The following MAP7D2 variants were observed in gnomAD, a reference collection of about 807,000 sequenced individuals.
MAP7D2 encodes the protein MAP7 domain-containing protein 2.
In MAP7D2, 33 loss-of-function variants were observed where a neutral mutation model predicts 63.5. The observed-to-expected ratio is 0.52, with a 90% CI of 0.39 to 0.70. MAP7D2 has a LOEUF of 0.70. Among genes scored for constraint, MAP7D2 ranks in the 30% least tolerant of loss-of-function variants. The pLI is 0.00. For synonymous variants in MAP7D2, 224 were observed against 223.7 expected (o/e 1.00, Z -0.01); for missense variants, 626 against 604.0 (o/e 1.04, Z -0.38).
intron 1 of MAP7D2, among the ~76,000 whole-genome samples, chrX:20,109,634 CT>C (rs748515985): frequency 9.1e-6 from 1 of 110,452 alleles, no homozygotes; most frequent in Non-Finnish European, 1.9e-5. Flanking sequence ...AACCTTTCTT[CT>C]TTTTTTAATC....
chrX:20,087,711 CTA>C (rs1187775453), intron 1 of MAP7D2, among the ~76,000 whole-genome samples: 2 of 111,104 alleles, frequency 1.8e-5, no homozygotes, highest in East Asian at 5.6e-4. Flanking sequence ...ACACATGTGA[CTA>C]TTACTTAGTA....
chrX:20,082,842 C>T (rs949254310), intron 1 of MAP7D2, among the ~76,000 whole-genome samples: 4 of 111,609 alleles, frequency 3.6e-5, no homozygotes, highest in African/African-American at 1.3e-4. Flanking sequence ...ATTGACCAGA[C>T]TGGTCTCGAA....
intron 1 of MAP7D2, among the ~76,000 whole-genome samples, chrX:20,073,663 G>A (rs750424760): frequency 1.7e-4 from 18 of 106,700 alleles, no homozygotes; most frequent in Admixed American, 1.4e-3. Flanking sequence ...CTGAGTAGCT[G>A]GGACTACAGA....
rs1015212168 is a variant in MAP7D2, at chrX:20,098,766, G to A, written c.130+17984C>T. On this transcript the variant is annotated intron_variant, in intron 1 of 16. Coordinates refer to ENST00000379643, the MANE Select transcript of MAP7D2 (RefSeq NM_001168465.2). ...ATCACCTCCAGACCTGGATGGCAGC[G>A]AGTAAAGAGGGAGTCCAAATCCCAG... Among the ~76,000 whole-genome samples the A allele has an allele frequency of 4.4e-5, 5 of 112,516 alleles. No homozygotes were observed. In the East Asian group the frequency reaches 1.4e-3, roughly 31 times the overall value.
intron 1 of MAP7D2, among the ~76,000 whole-genome samples, chrX:20,104,347 C>A (rs775223839): frequency 4.4e-5 from 5 of 112,895 alleles, no homozygotes; most frequent in Non-Finnish European, 9.4e-5. Flanking sequence ...GTAGCCCAGG[C>A]TGGAGTACAG....
chrX:20,058,616 C>A (rs974042269), intron 3 of MAP7D2, among the ~76,000 whole-genome samples: 9 of 112,023 alleles, frequency 8.0e-5, no homozygotes, highest in African/African-American at 2.6e-4. Flanking sequence ...CCATCCATCC[C>A]CAGTCCACTG....
At chrX:20,106,614 G>A (rs1307849368) in intron 1 of MAP7D2, among the ~76,000 whole-genome samples, 1 of 112,440 alleles carries the variant, frequency 8.9e-6, no homozygotes, top group Admixed American at 9.4e-5. Context: ...GCCACTAGCC[G>A]CAGTTGGCTA....
chrX:20,028,615 C>T (rs2073948283), intron 8 of MAP7D2, among the ~76,000 whole-genome samples: 1 of 111,724 alleles, frequency 9.0e-6, no homozygotes, highest in East Asian at 2.8e-4. Flanking sequence ...TGCTTGGCCA[C>T]GTCTTCCTTT....
intron 1 of MAP7D2, among the ~76,000 whole-genome samples, chrX:20,066,338 G>A (rs2065362099): frequency 8.9e-6 from 1 of 111,955 alleles, no homozygotes; most frequent in Non-Finnish European, 1.9e-5. Context: ...GGAGGTTCCT[G>A]CTGCTGTCCA....
chrX:20,015,187 C>T (rs765112916), intron 12 of MAP7D2, 36 bp downstream of exon 12: 5 of 1,054,087 alleles, frequency 4.7e-6, no homozygotes, highest in Non-Finnish European at 6.6e-6. Flanking sequence ...ACTTCCTGTT[C>T]ACTTACCCTA....
Position 20,071,829 on chromosome X carries a change from C to G in MAP7D2, c.131-7024G>C, listed in dbSNP as rs186300417. ...TTTTGTTTTCCGTGGAGGTGGAAGG[C>G]AGGGGCAGGGGGACTGGGTCTTACT... On this transcript the variant is annotated intron_variant, in intron 1 of 16. Coordinates refer to ENST00000379643, the MANE Select transcript of MAP7D2 (RefSeq NM_001168465.2). 8.1e-5 allele frequency among the ~76,000 whole-genome samples: 9 copies of G among 111,631 alleles called. No homozygotes were observed. The Admixed American group carries it at 8.5e-4, about 11-fold the overall frequency.
At chrX:20,033,844 T>C (rs921017829) in intron 8 of MAP7D2, among the ~76,000 whole-genome samples, 2 of 112,399 alleles carry the variant, frequency 1.8e-5, no homozygotes, top group African/African-American at 6.5e-5. Context: ...TGTGGCATCA[T>C]TCTAAAAATC....
chrX:20,062,365 T>C (rs1460679876), intron 3 of MAP7D2, among the ~76,000 whole-genome samples: 1 of 110,816 alleles, frequency 9.0e-6, no homozygotes. Flanking sequence ...CGGTGAACCA[T>C]AGCTAAGACA....
chrX:20,065,288 A>T (rs1289591950), intron 1 of MAP7D2, among the ~76,000 whole-genome samples: 1 of 97,858 alleles, frequency 1.0e-5, no homozygotes, highest in Non-Finnish European at 2.0e-5. Context: ...TTTTTTTGAG[A>T]CAGAGTCTCA....
chrX:20,010,632 T>C (rs2073165876), intron 16 of MAP7D2, 145 bp downstream of exon 16: 1 of 449,722 alleles, frequency 2.2e-6, no homozygotes. Flanking sequence ...TCAATTCTTG[T>C]GTGTGTTGTA....
At chrX:20,070,647 G>A (rs2065479418) in intron 1 of MAP7D2, among the ~76,000 whole-genome samples, 1 of 110,411 alleles carries the variant, frequency 9.1e-6, no homozygotes, top group African/African-American at 3.3e-5. Flanking sequence ...ACAGCATCCA[G>A]GCAAACTTGC....
At chrX:20,085,555 G>A (rs1397306730) in intron 1 of MAP7D2, among the ~76,000 whole-genome samples, 3 of 111,898 alleles carry the variant, frequency 2.7e-5, no homozygotes, top group Non-Finnish European at 5.6e-5. Flanking sequence ...TACTTTCATC[G>A]AGCACAGTAT....
intron 8 of MAP7D2, among the ~76,000 whole-genome samples, chrX:20,032,533 T>C (rs1025939878): frequency 3.6e-5 from 4 of 111,760 alleles, no homozygotes; most frequent in Non-Finnish European, 5.6e-5. Context: ...GGGAGGTACT[T>C]GTTTTGGGCC....
At chrX:20,085,493 C>T (rs901457599) in intron 1 of MAP7D2, among the ~76,000 whole-genome samples, 5 of 111,912 alleles carry the variant, frequency 4.5e-5, no homozygotes, top group Non-Finnish European at 9.4e-5. Context: ...CAAGGAAGGA[C>T]GTCTGTGTTC....
Sources: gnomAD v4.1 joint callset for allele counts (sites outside exome capture counted in the v4.1 genomes callset) on GRCh38, gnomAD v4.1.1 for gene constraint, MANE v1.5 for transcripts, NCBI Gene and HGNC (gene_info 2026-07-23, HGNC 2026-07-21) for gene names.